MCTP1: variants seen among roughly 807,000 people sequenced by gnomAD.
MCTP1 encodes the protein multiple C2 and transmembrane domain containing 1, also known as multiple C2 and transmembrane domain-containing protein 1.
Under a neutral mutation model 120.6 loss-of-function variants are expected in MCTP1, and 69 were observed. The ratio of observed to expected loss-of-function variants is 0.57; its 90% CI spans 0.47 to 0.70. MCTP1 has a LOEUF of 0.70. Among genes scored for constraint, MCTP1 ranks in the 30% least tolerant of loss-of-function variants. The pLI is 0.00. For missense variants in MCTP1, 1,203 were observed against 1,248.8 expected (o/e 0.96, Z 0.55); for synonymous variants, 529 against 493.1 (o/e 1.07, Z -0.96).
chr5:94,793,620 G>C (rs1779420099), intron 18 of MCTP1: 1 of 152,234 alleles, frequency 6.6e-6, no homozygotes, highest in African/African-American at 2.4e-5. Context: ...TCTTACTGAA[G>C]TAGAGAGAGT....
At chr5:94,770,231 G>T (rs2152896776) in intron 19 of MCTP1, among the ~76,000 whole-genome samples, 1 of 152,228 alleles carries the variant, frequency 6.6e-6, no homozygotes, top group South Asian at 2.1e-4. Flanking sequence ...CCGTGTCAAC[G>T]ACTCTGCCAG....
chr5:94,957,351 G>A (rs1039687226), intron 2 of MCTP1, among the ~76,000 whole-genome samples: 3 of 152,058 alleles, frequency 2.0e-5, no homozygotes, highest in Admixed American at 6.6e-5. Flanking sequence ...TGAAGAAACT[G>A]CATCAACTAA....
At chr5:94,882,356 T>C (rs1434524087) in intron 12 of MCTP1, among the ~76,000 whole-genome samples, 1 of 152,112 alleles carries the variant, frequency 6.6e-6, no homozygotes, top group East Asian at 1.9e-4. Flanking sequence ...CTCTTTAGGC[T>C]TGACTATTTA....
Position 94,912,866 on chromosome 5 carries a change from G to A in MCTP1, c.1461C>T (p.Ser487=). ...TCACGTAGGGATCGCTCAACCCGTTGGAATCCATGGCCTTGAGGTCTCTCC... is the reference window on the plus strand; with the variant it reads ...TCACGTAGGGATCGCTCAACCCGTTAGAATCCATGGCCTTGAGGTCTCTCC... ...IEGRDLKAMD[S]NGLSDPYVKF... is the part of the protein sequence containing the mutation. Residue 487 remains serine (S), a synonymous_variant, in exon 9 of 23, where the codon TCC becomes TCT. Transcript: ENST00000515393. 1 of 1,594,352 alleles carries A rather than the reference G, an allele frequency of 6.3e-7. No homozygotes were observed. The highest frequency in any genetic ancestry group is 1.4e-5 in the African/African-American group (1 of 73,510).
intron 1 of MCTP1, among the ~76,000 whole-genome samples, chr5:95,244,710 G>A (rs970271348): frequency 3.3e-5 from 5 of 152,216 alleles, no homozygotes; most frequent in African/African-American, 4.8e-5. Context: ...GGAGCACACC[G>A]CAGCTCAGCA....
At chr5:95,067,667 T>C (rs1751025194) in intron 1 of MCTP1, among the ~76,000 whole-genome samples, 2 of 152,138 alleles carry the variant, frequency 1.3e-5, no homozygotes, top group African/African-American at 4.8e-5. Context: ...TTTTTAAAAT[T>C]AGTTTAATTG....
At chr5:95,059,224 T>TAC (rs1554195970) in intron 1 of MCTP1, among the ~76,000 whole-genome samples, 17 of 151,764 alleles carry the variant, frequency 1.1e-4, no homozygotes, top group Middle Eastern at 3.4e-3. Flanking sequence ...TATATATATA[T>TAC]ACACTATAAA....
intron 19 of MCTP1, among the ~76,000 whole-genome samples, chr5:94,755,294 C>T (rs1790597341): frequency 6.6e-6 from 1 of 152,188 alleles, no homozygotes; most frequent in Admixed American, 6.5e-5. Context: ...TGATCCTCCC[C>T]TCTTCTAGCT....
intron 18 of MCTP1, among the ~76,000 whole-genome samples, chr5:94,786,116 G>A (rs1417786497): frequency 1.3e-5 from 2 of 152,100 alleles, no homozygotes; most frequent in African/African-American, 4.8e-5. Context: ...CAGACTTTTG[G>A]ACCATATTGA....
chr5:95,256,140 C>A (rs930039562), intron 1 of MCTP1, among the ~76,000 whole-genome samples: 1 of 151,950 alleles, frequency 6.6e-6, no homozygotes, highest in Non-Finnish European at 1.5e-5. Flanking sequence ...TTGATTTACT[C>A]TTTGGTATTT....
intron 19 of MCTP1, among the ~76,000 whole-genome samples, chr5:94,759,886 A>G (rs1770868538): frequency 7.8e-6 from 1 of 128,326 alleles, no homozygotes; most frequent in Non-Finnish European, 1.6e-5. Flanking sequence ...TTCATTATCC[A>G]GGAACTTTTT....
At chr5:94,839,630 G>T (rs1790563776) in intron 17 of MCTP1, among the ~76,000 whole-genome samples, 1 of 152,104 alleles carries the variant, frequency 6.6e-6, no homozygotes, top group Admixed American at 6.6e-5. Context: ...GTCCCTCTCA[G>T]GCTGGGCCCA....
intron 1 of MCTP1, among the ~76,000 whole-genome samples, chr5:95,045,425 C>A (rs1231251503): frequency 1.3e-5 from 2 of 152,140 alleles, no homozygotes; most frequent in African/African-American, 2.4e-5. Context: ...TAGTGCTTGG[C>A]ACAAAGATAG....
intron 1 of MCTP1, among the ~76,000 whole-genome samples, chr5:95,265,711 G>A (rs551346730): frequency 1.3e-5 from 2 of 152,192 alleles, no homozygotes; most frequent in South Asian, 2.1e-4. Flanking sequence ...ACTTAAAAGT[G>A]GAATGTCTGT....
At chr5:95,167,246 T>C (rs1746525412) in intron 1 of MCTP1, among the ~76,000 whole-genome samples, 1 of 152,228 alleles carries the variant, frequency 6.6e-6, no homozygotes, top group South Asian at 2.1e-4. Context: ...GCTCATCATT[T>C]TTTATGGCTG....
At chr5:95,182,086 C>T (rs573454109) in intron 1 of MCTP1, among the ~76,000 whole-genome samples, 1 of 151,954 alleles carries the variant, frequency 6.6e-6, no homozygotes, top group Non-Finnish European at 1.5e-5. Context: ...AATATCTGAC[C>T]ATGGGAATAT....
At chr5:95,255,353 C>T (rs1295756793) in intron 1 of MCTP1, among the ~76,000 whole-genome samples, 5 of 152,120 alleles carry the variant, frequency 3.3e-5, no homozygotes, top group African/African-American at 1.2e-4. Context: ...TAGAATTTAC[C>T]TACATTTTAA....
chr5:95,015,741 C>T (rs7708767), intron 2 of MCTP1, among the ~76,000 whole-genome samples: 2,040 of 152,054 alleles, frequency 0.013, 48 homozygotes, highest in African/African-American at 0.047. Flanking sequence ...CATAGTATTC[C>T]GCCATGTAGA....
chr5:95,095,054 C>T (rs1229483220), intron 1 of MCTP1, among the ~76,000 whole-genome samples: 6 of 99,704 alleles, frequency 6.0e-5, no homozygotes, highest in Admixed American at 1.5e-4. Flanking sequence ...GACGGAGTCT[C>T]GCTCTGTCGC....
Sources: allele counts gnomAD v4.1 joint callset (sites outside exome capture counted in the v4.1 genomes callset), GRCh38; gene constraint gnomAD v4.1.1; transcripts MANE v1.5; gene names NCBI Gene and HGNC (gene_info 2026-07-23, HGNC 2026-07-21).